Variants in REDIC1 observed in about 807,000 individuals in gnomAD.
The protein encoded by REDIC1 is regulator of DNA class I crossover intermediates 1.
chr12:39,857,281 A>G, the REDIC1 span, among the ~76,000 whole-genome samples: 2 of 152,220 alleles, frequency 1.3e-5, no homozygotes, highest in Non-Finnish European at 2.9e-5. Context: ...TGTGCTCATT[A>G]TGTGACTGTT....
the REDIC1 span, among the ~76,000 whole-genome samples, chr12:39,733,862 A>G: frequency 6.6e-6 from 1 of 152,216 alleles, no homozygotes; most frequent in Admixed American, 6.5e-5. Flanking sequence ...GATCTGCTGA[A>G]CTAGGCTACT....
At chr12:39,724,864 A>G in the REDIC1 span, among the ~76,000 whole-genome samples, 5 of 152,128 alleles carry the variant, frequency 3.3e-5, no homozygotes, top group Admixed American at 3.3e-4. Flanking sequence ...TAATTAAACA[A>G]TAAGAAGGAC....
chr12:39,700,230 C>A, the REDIC1 span, among the ~76,000 whole-genome samples: 2 of 152,090 alleles, frequency 1.3e-5, no homozygotes, highest in South Asian at 4.2e-4. Context: ...ATAACCAATA[C>A]AGAGAAGTGC....
At chr12:39,720,887 TG>T in the REDIC1 span, 7 of 1,613,272 alleles carry the variant, frequency 4.3e-6, no homozygotes, top group East Asian at 1.6e-4. Flanking sequence ...GTAGAAAGGA[TG>T]GCAAAACTTT....
At chr12:39,793,805 TAAGC>T in the REDIC1 span, among the ~76,000 whole-genome samples, 1 of 152,106 alleles carries the variant, frequency 6.6e-6, no homozygotes, top group African/African-American at 2.4e-5. Flanking sequence ...GTCATTAATC[TAAGC>T]AGTGACATAA....
At chr12:39,885,451 A>G in the REDIC1 span, among the ~76,000 whole-genome samples, 44 of 152,208 alleles carry the variant, frequency 2.9e-4, no homozygotes, top group African/African-American at 9.4e-4. Flanking sequence ...TATTTGGTAT[A>G]TTTTTTCCTT....
At chr12:39,809,484 C>A in the REDIC1 span, among the ~76,000 whole-genome samples, 2 of 152,106 alleles carry the variant, frequency 1.3e-5, no homozygotes, top group African/African-American at 4.8e-5. Context: ...TAGAGATCAA[C>A]TTAAAAGGAA....
the REDIC1 span, among the ~76,000 whole-genome samples, chr12:39,895,587 T>C: frequency 7.5e-6 from 1 of 132,994 alleles, no homozygotes; most frequent in African/African-American, 2.8e-5. Flanking sequence ...TATATGTGTA[T>C]ATATATGTGT....
At chr12:39,848,895 A>G in the REDIC1 span, among the ~76,000 whole-genome samples, 2 of 152,232 alleles carry the variant, frequency 1.3e-5, no homozygotes, top group Admixed American at 1.3e-4. Context: ...GCTGGAGGCT[A>G]TCATCCTTAG....
the REDIC1 span, among the ~76,000 whole-genome samples, chr12:39,644,687 A>G: frequency 6.6e-6 from 1 of 151,820 alleles, no homozygotes; most frequent in African/African-American, 2.4e-5. Context: ...TACATTGTTC[A>G]TGGATTTTGA....
At chr12:39,727,313 G>T in the REDIC1 span, among the ~76,000 whole-genome samples, 12 of 152,180 alleles carry the variant, frequency 7.9e-5, no homozygotes, top group Non-Finnish European at 1.6e-4. Flanking sequence ...AATCCATCTT[G>T]AGTTAAATTT....
chr12:39,685,063 T>C, the REDIC1 span: 31 of 547,344 alleles, frequency 5.7e-5, no homozygotes, highest in Middle Eastern at 4.7e-4. Context: ...CTTTTTCTTA[T>C]ACTTTTTTAT....
chr12:39,707,261 C>G, the REDIC1 span, among the ~76,000 whole-genome samples: 1 of 151,836 alleles, frequency 6.6e-6, no homozygotes, highest in Non-Finnish European at 1.5e-5. Flanking sequence ...TGAAAGGATG[C>G]TCAACATCAC....
chr12:39,792,630 G>C, the REDIC1 span, among the ~76,000 whole-genome samples: 3 of 152,060 alleles, frequency 2.0e-5, no homozygotes, highest in Non-Finnish European at 2.9e-5. Flanking sequence ...GATCCCTGTG[G>C]ATACCAAAAC....
the REDIC1 span, among the ~76,000 whole-genome samples, chr12:39,654,725 C>T: frequency 2.7e-5 from 4 of 149,270 alleles, no homozygotes; most frequent in South Asian, 2.2e-4. Context: ...CGTGATTGTT[C>T]GGCTTTGGTA....
chr12:39,801,475 CT>C, the REDIC1 span, among the ~76,000 whole-genome samples: 2 of 152,036 alleles, frequency 1.3e-5, no homozygotes, highest in Admixed American at 1.3e-4. Context: ...GAGGGCTGAC[CT>C]CATGACATAG....
chr12:39,685,964 T>C, the REDIC1 span, among the ~76,000 whole-genome samples: 1 of 152,342 alleles, frequency 6.6e-6, no homozygotes, highest in East Asian at 1.9e-4. Flanking sequence ...CTCCCTTGAC[T>C]CTATATCTCA....
At chr12:39,896,045 C>T in the REDIC1 span, among the ~76,000 whole-genome samples, 4 of 143,450 alleles carry the variant, frequency 2.8e-5, no homozygotes, top group African/African-American at 7.7e-5. Flanking sequence ...TGTTTATATA[C>T]GCATGTATAT....
At chr12:39,851,851 G>A in the REDIC1 span, among the ~76,000 whole-genome samples, 1 of 152,108 alleles carries the variant, frequency 6.6e-6, no homozygotes, top group South Asian at 2.1e-4. Context: ...CCTGTGTCAA[G>A]AATTTTTAAA....
Sources: allele counts gnomAD v4.1 joint callset (sites outside exome capture counted in the v4.1 genomes callset), GRCh38; gene constraint gnomAD v4.1.1; transcripts MANE v1.5; gene names NCBI Gene and HGNC (gene_info 2026-07-23, HGNC 2026-07-21).